Variants in TTL observed in about 807,000 individuals in gnomAD.
TTL encodes the protein tubulin tyrosine ligase.
TTL carries 10 observed loss-of-function variants against 41.1 expected under a neutral mutation model. The observed-to-expected ratio is 0.24, with a 90% CI of 0.15 to 0.41. TTL has a LOEUF of 0.41. TTL is among the 10% of genes least tolerant of loss of function. TTL has a pLI of 1.00. For missense variants in TTL, 367 were observed against 460.4 expected (o/e 0.80, Z 1.86); for synonymous variants, 175 against 175.5 (o/e 1.00, Z 0.02).
chr2:112,514,776 A>G (rs1171539109), intron 5 of TTL, among the ~76,000 whole-genome samples: 1 of 152,188 alleles, frequency 6.6e-6, no homozygotes, highest in Non-Finnish European at 1.5e-5. Context: ...ATTCATGGAC[A>G]TTATACTTTC....
Position 112,532,712 on chromosome 2 carries a change from G to A in TTL, c.*3917G>A, listed in dbSNP as rs1330621163. On this transcript the variant is annotated 3_prime_UTR_variant, in exon 7 of 7. Transcript: ENST00000233336. ...AAAGGCCAGATAATAAATCTGCTAG[G>A]CTTTGCAAACCATGTAGGGCCTTTT... 2 of 176,048 alleles carry A rather than the reference G, an allele frequency of 1.1e-5. No individual in the cohort carries two copies. Among genetic ancestry groups the A allele is most frequent in the African/African-American group, 4.8e-5 (2 of 42,092 alleles). The allele number at this position is 176,048 out of a possible 1,614,324, so 10.9% of individuals were successfully genotyped here.
chr2:112,484,210 C>T (rs973487031), intron 1 of TTL, among the ~76,000 whole-genome samples: 11 of 150,578 alleles, frequency 7.3e-5, no homozygotes, highest in African/African-American at 2.4e-4. Flanking sequence ...GATCAGTAAA[C>T]GTTTGAGCTT....
intron 2 of TTL, among the ~76,000 whole-genome samples, chr2:112,493,130 C>CT (rs1415346305): frequency 6.6e-6 from 1 of 152,166 alleles, no homozygotes; most frequent in Admixed American, 6.5e-5. Flanking sequence ...TTTTTAATAT[C>CT]TATCTACAAT....
intron 2 of TTL, among the ~76,000 whole-genome samples, chr2:112,493,143 C>T (rs1473370349): frequency 2.0e-5 from 3 of 152,074 alleles, no homozygotes; most frequent in Admixed American, 6.6e-5. Context: ...TCTACAATGT[C>T]GTTATTTCCA....
chr2:112,531,826 C>A lies in TTL; in HGVS notation c.*3031C>A. On this transcript the variant is annotated 3_prime_UTR_variant, in exon 7 of 7. Coordinates refer to ENST00000233336, the MANE Select transcript of TTL (RefSeq NM_153712.5). ...TCATAGCAGCATTTGGAAACTCAAA[C>A]ATGCTTTCATTTACATAAATAGTTT... 1 of 222,996 alleles carries A rather than the reference C, an allele frequency of 4.5e-6. No homozygotes were observed. The highest frequency in any genetic ancestry group is 9.0e-6 in the Non-Finnish European group (1 of 111,578). 13.8% of individuals were successfully genotyped at this position (222,996 alleles called of 1,614,324 possible).
intron 6 of TTL, among the ~76,000 whole-genome samples, chr2:112,524,502 T>C (rs1287437548): frequency 1.3e-5 from 2 of 152,228 alleles, no homozygotes; most frequent in Admixed American, 1.3e-4. Flanking sequence ...TGGTGTGAGA[T>C]GGTATCTCAT....
chr2:112,502,767 T>C, intron 4 of TTL, 145 bp from the exon 5 acceptor site: 1 of 715,832 alleles, frequency 1.4e-6, no homozygotes, highest in Admixed American at 3.0e-5. Flanking sequence ...ACATGCCTCT[T>C]ATAGTTTTAG....
chr2:112,484,259 T>G (rs1681176348), intron 1 of TTL, among the ~76,000 whole-genome samples: 1 of 150,340 alleles, frequency 6.7e-6, no homozygotes, highest in Admixed American at 6.6e-5. Flanking sequence ...TGTAGTTTTG[T>G]TTTTTGTTTG....
chr2:112,511,337 T>C (rs1045883700), intron 5 of TTL, among the ~76,000 whole-genome samples: 2 of 151,900 alleles, frequency 1.3e-5, no homozygotes, highest in Middle Eastern at 3.4e-3. Flanking sequence ...TTATTACTCT[T>C]GATCTTAGCC....
At chr2:112,509,321 C>G (rs1238083070) in intron 5 of TTL, among the ~76,000 whole-genome samples, 2 of 151,268 alleles carry the variant, frequency 1.3e-5, no homozygotes, top group Non-Finnish European at 3.0e-5. Context: ...GGCAGGCCTC[C>G]TTGAGCTGTG....
Position 112,520,372 on chromosome 2 carries a change from T to C in TTL, c.966T>C (p.Asp322=), listed in dbSNP as rs62157538. 277,278 of 1,613,948 alleles carry C rather than the reference T, an allele frequency of 0.17. 25,332 individuals are homozygous for C. Among genetic ancestry groups the C allele is most frequent in the East Asian group, 0.3 (13,513 of 44,840 alleles). The change falls in exon 6 of 7, where the codon GAT becomes GAC. Residue 322 remains aspartate, a synonymous_variant. Transcript: ENST00000233336. The stretch of plus-strand genomic sequence containing the variant: ...TCTTCGGCTTTGACTTCATGGTCGA[T>C]GAGGAGCTGAAGGTGTGGCTCATTG... ...FQLFGFDFMV[D]EELKVWLIEV...
chr2:112,540,480 T>TA lies in TTL; in HGVS notation c.*11689dup, dbSNP rs1165652224. 1.3e-5 allele frequency: 2 copies of TA among 149,918 alleles called. No homozygotes were observed. The highest frequency in any genetic ancestry group is 4.9e-5 in the African/African-American group (2 of 40,576). 9.3% of individuals were successfully genotyped at this position (149,918 alleles called of 1,614,324 possible). ...AGAAATTGACAAGCTAAGCTGACGC[T>TA]AAAATCCATATTGAAATACAAAGGA... On this transcript the variant is annotated 3_prime_UTR_variant, in exon 7 of 7. Transcript: ENST00000233336.
intron 6 of TTL, chr2:112,520,652 TC>T: frequency 1.9e-6 from 1 of 527,654 alleles, no homozygotes; most frequent in Non-Finnish European, 3.3e-6. Context: ...ATGCTTGTAA[TC>T]CCAGCACTTT....
chr2:112,524,567 T>C (rs1320693231), intron 6 of TTL, among the ~76,000 whole-genome samples: 3 of 152,220 alleles, frequency 2.0e-5, no homozygotes, highest in Non-Finnish European at 4.4e-5. Flanking sequence ...TTTTCATGTG[T>C]CTTTTGGCTG....
intron 5 of TTL, among the ~76,000 whole-genome samples, chr2:112,503,403 G>GTATATATA (rs61614473): frequency 0.05 from 7,143 of 143,332 alleles, 247 homozygotes; most frequent in Non-Finnish European, 0.074. Context: ...GTGTGTGTGT[G>GTATATATA]TATATATATA....
In TTL at chr2:112,535,079, AAG is replaced by A. The variant is rs1482461263; in HGVS notation, c.*6286_*6287del. 1.3e-5 allele frequency: 2 copies of A among 152,052 alleles called. No individual in the cohort carries two copies. The highest frequency in any genetic ancestry group is 2.9e-5 in the Non-Finnish European group (2 of 68,008). 9.4% of individuals were successfully genotyped at this position (152,052 alleles called of 1,614,324 possible). A position where few individuals can be genotyped will look rare whatever the true frequency, so the allele number is the denominator to read the frequency against. ...TGAGAAAGAAAAAAGAGAAAGAAGA[AAG>A]AAAAGAAAAAAGGAAAGAAAGTTAG... On this transcript the variant is annotated 3_prime_UTR_variant, in exon 7 of 7. Transcript: ENST00000233336.
Position 112,496,232 on chromosome 2 carries a change from A to G in TTL, c.469+1857A>G, listed in dbSNP as rs1224809088. 7.2e-5 allele frequency among the ~76,000 whole-genome samples: 11 copies of G among 152,360 alleles called. No homozygotes were observed. The East Asian group carries it at 1.9e-3, about 27-fold the overall frequency. ...TAAGACAAGACTCAGAGGGACACCA[A>G]GCAGCAGGGGGAAGTCAAGAGAGAA... On this transcript the variant is annotated intron_variant, in intron 3 of 6. Transcript: ENST00000233336.
At chr2:112,488,070 TG>T (rs1200062416) in intron 2 of TTL, among the ~76,000 whole-genome samples, 1 of 152,142 alleles carries the variant, frequency 6.6e-6, no homozygotes, top group Non-Finnish European at 1.5e-5. Context: ...AGAGCCTTGG[TG>T]GGGTTCAGTG....
chr2:112,514,114 C>T (rs191627957), intron 5 of TTL, among the ~76,000 whole-genome samples: 5 of 152,114 alleles, frequency 3.3e-5, no homozygotes, highest in Admixed American at 3.3e-4. Context: ...CCAGGCGCGG[C>T]ACCTCACACC....
Sources: allele counts gnomAD v4.1 joint callset (sites outside exome capture counted in the v4.1 genomes callset), GRCh38; gene constraint gnomAD v4.1.1; transcripts MANE v1.5; gene names NCBI Gene and HGNC (gene_info 2026-07-23, HGNC 2026-07-21).